MLIP: variants seen among roughly 807,000 people sequenced by gnomAD.
MLIP encodes muscular LMNA-interacting protein.
In MLIP, 79 loss-of-function variants were observed where a neutral mutation model predicts 84.8. That is an observed-to-expected ratio of 0.93 (90% confidence interval 0.78 to 1.12). The LOEUF is 1.12. MLIP is among the 50% of genes most tolerant of loss of function. MLIP has a pLI of 0.00. For missense variants in MLIP, 1,257 were observed against 1,160.6 expected (o/e 1.08, Z -1.21); for synonymous variants, 504 against 463.0 (o/e 1.09, Z -1.14).
At chr6:54,132,699 G>T (rs1320410528) in intron 3 of MLIP, among the ~76,000 whole-genome samples, 2 of 152,122 alleles carry the variant, frequency 1.3e-5, no homozygotes, top group Non-Finnish European at 2.9e-5. Flanking sequence ...CCAAAAAATC[G>T]AGAGGTGCAG....
chr6:54,248,688 G>A (rs1782252262), intron 12 of MLIP, among the ~76,000 whole-genome samples: 1 of 152,070 alleles, frequency 6.6e-6, no homozygotes, highest in South Asian at 2.1e-4. Context: ...GATGGAAGAG[G>A]AAAGGCCAAG....
chr6:54,106,693 A>C (rs1279311477), upstream of MLIP, among the ~76,000 whole-genome samples: 2 of 152,194 alleles, frequency 1.3e-5, no homozygotes, highest in Non-Finnish European at 2.9e-5. Flanking sequence ...GAAGTGAGGA[A>C]AATTTTGGGA....
intron 9 of MLIP, among the ~76,000 whole-genome samples, chr6:54,184,559 A>C (rs1777204472): frequency 6.6e-6 from 1 of 152,186 alleles, no homozygotes; most frequent in Non-Finnish European, 1.5e-5. Flanking sequence ...GGAGATGAAA[A>C]GGTTTCTCCA....
intron 1 of MLIP, among the ~76,000 whole-genome samples, chr6:54,076,335 A>G (rs1766801575): frequency 6.6e-6 from 1 of 152,190 alleles, no homozygotes; most frequent in Non-Finnish European, 1.5e-5. Flanking sequence ...AACATTGGCA[A>G]TGTGTAGACA....
At chr6:54,084,182 C>T (rs909473725) in intron 1 of MLIP, among the ~76,000 whole-genome samples, 9 of 152,040 alleles carry the variant, frequency 5.9e-5, no homozygotes, top group African/African-American at 2.2e-4. Context: ...TATCACCCCT[C>T]CCTTCTCTCT....
intron 13 of MLIP, 97 bp downstream of exon 13, chr6:54,257,458 T>C: frequency 1.1e-6 from 1 of 914,148 alleles, no homozygotes; most frequent in Non-Finnish European, 1.7e-6. Context: ...AAATTGTGCT[T>C]TTATAACAAA....
At chr6:54,025,112 G>A (rs1763725135) in intron 1 of MLIP, among the ~76,000 whole-genome samples, 1 of 151,732 alleles carries the variant, frequency 6.6e-6, no homozygotes, top group African/African-American at 2.4e-5. Context: ...GCCTCTCAAA[G>A]TGCTAGAATT....
Position 54,190,954 on chromosome 6 carries a change from C to T in MLIP, c.2589+1040C>T, listed in dbSNP as rs755705254. ...GGGACTACAGGCGCCCGCCACCGAG[C>T]CCGGCTAATTTTTTGTATTTTTAGT... On this transcript the variant is annotated intron_variant, in intron 10 of 13. Transcript: ENST00000502396. 1.6e-3 allele frequency among the ~76,000 whole-genome samples: 241 copies of T among 151,768 alleles called. 1 individual carries two copies. The highest frequency in any genetic ancestry group is 4.6e-4 in the Non-Finnish European group (31 of 67,922).
At chr6:54,020,416 G>C (rs1763430988) in intron 1 of MLIP, among the ~76,000 whole-genome samples, 1 of 152,210 alleles carries the variant, frequency 6.6e-6, no homozygotes, top group South Asian at 2.1e-4. Flanking sequence ...AGGAAACCCA[G>C]ATATGGTAAG....
chr6:54,050,834 T>TCTTCTC (rs1765334612), intron 1 of MLIP, among the ~76,000 whole-genome samples: 1 of 152,158 alleles, frequency 6.6e-6, no homozygotes, highest in South Asian at 2.1e-4. Flanking sequence ...GATGGGAAGT[T>TCTTCTC]CTTCTCCTGA....
At chr6:54,096,089 A>G (rs190098486) in intron 1 of MLIP, among the ~76,000 whole-genome samples, 616 of 152,282 alleles carry the variant, frequency 4.0e-3, no homozygotes, top group Non-Finnish European at 5.5e-3. Flanking sequence ...CAGAAGGGAA[A>G]TGTTTTGAAA....
At chr6:54,226,876 C>T (rs816382) in intron 11 of MLIP, among the ~76,000 whole-genome samples, 103,087 of 152,078 alleles carry the variant, frequency 0.68, 38,013 homozygotes, top group Non-Finnish European at 0.81. Flanking sequence ...ACTAACTCAT[C>T]GCAGTTTGTC....
At chr6:54,190,228 T>C (rs1562037772) in intron 10 of MLIP, among the ~76,000 whole-genome samples, 2 of 152,110 alleles carry the variant, frequency 1.3e-5, no homozygotes, top group Non-Finnish European at 2.9e-5. Context: ...AAGGAAGAGA[T>C]CTAAAAAGAG....
At chr6:54,236,006 T>C (rs1582586628) in intron 12 of MLIP, among the ~76,000 whole-genome samples, 1 of 152,306 alleles carries the variant, frequency 6.6e-6, no homozygotes, top group East Asian at 1.9e-4. Context: ...TATTACCTGC[T>C]TGCTGGGAGC....
chr6:54,082,276 A>G (rs1458002212), intron 1 of MLIP, among the ~76,000 whole-genome samples: 1 of 151,890 alleles, frequency 6.6e-6, no homozygotes, highest in Non-Finnish European at 1.5e-5. Flanking sequence ...TTATTTTCCT[A>G]TTTCTTCTCA....
intron 11 of MLIP, 118 bp from the exon 12 acceptor site, chr6:54,230,596 G>T (rs920852927): frequency 3.6e-6 from 3 of 833,704 alleles, no homozygotes; most frequent in Non-Finnish European, 5.9e-6. Context: ...ATCTCATGAG[G>T]AGAGGTTGTC....
At chr6:54,202,680 C>T (rs1778777198) in intron 11 of MLIP, among the ~76,000 whole-genome samples, 1 of 151,678 alleles carries the variant, frequency 6.6e-6, no homozygotes, top group Non-Finnish European at 1.5e-5. Flanking sequence ...ATTGCTTGAC[C>T]CCAGGAGTTT....
intron 2 of MLIP, 77 bp downstream of exon 2, chr6:54,121,679 A>T (rs1002749825): frequency 8.7e-7 from 1 of 1,145,356 alleles, no homozygotes; most frequent in African/African-American, 1.6e-5. Context: ...AAATTTGTGT[A>T]TATTTCCTGT....
chr6:54,072,386 T>C (rs1766540780), intron 1 of MLIP, among the ~76,000 whole-genome samples: 1 of 152,246 alleles, frequency 6.6e-6, no homozygotes, highest in African/African-American at 2.4e-5. Context: ...TCATTAACTC[T>C]TTCCCTGCTG....
Sources: gnomAD v4.1 joint callset for allele counts (sites outside exome capture counted in the v4.1 genomes callset) on GRCh38, gnomAD v4.1.1 for gene constraint, MANE v1.5 for transcripts, NCBI Gene and HGNC (gene_info 2026-07-23, HGNC 2026-07-21) for gene names.